Variants in ST6GALNAC3 observed in about 807,000 individuals in gnomAD.
The protein encoded by ST6GALNAC3 is alpha-N-acetylgalactosaminide alpha-2,6-sialyltransferase 3.
Under a neutral mutation model 32.7 loss-of-function variants are expected in ST6GALNAC3, and 25 were observed. The observed-to-expected ratio is 0.76, with a 90% CI of 0.56 to 1.07. The LOEUF is 1.07. ST6GALNAC3 is among the 50% of genes least tolerant of loss of function. ST6GALNAC3 has a pLI of 0.00. For missense variants in ST6GALNAC3, 355 were observed against 382.4 expected, an observed-to-expected ratio of 0.93 and a Z score of 0.60; for synonymous variants, 129 against 133.1, an observed-to-expected ratio of 0.97 and a Z score of 0.21.
chr1:76,454,928 AT>A (rs11359719), intron 3 of ST6GALNAC3, among the ~76,000 whole-genome samples: 83,885 of 149,194 alleles, frequency 0.56, 25,286 homozygotes, highest in Non-Finnish European at 0.67. Context: ...TCTCCTATGT[AT>A]TTTTTTTTTC....
At chr1:76,247,652 A>T (rs966825325) in intron 1 of ST6GALNAC3, among the ~76,000 whole-genome samples, 8 of 152,172 alleles carry the variant, frequency 5.3e-5, no homozygotes, top group African/African-American at 1.9e-4. Flanking sequence ...AAGCCTCAGT[A>T]ATGGCCGATG....
chr1:76,466,427 A>G (rs965087989), intron 3 of ST6GALNAC3, among the ~76,000 whole-genome samples: 4 of 152,112 alleles, frequency 2.6e-5, no homozygotes, highest in African/African-American at 7.2e-5. Context: ...ATGGAAATAC[A>G]TAGATTAAAA....
At chr1:76,602,730 GT>G (rs1238323947) in intron 3 of ST6GALNAC3, among the ~76,000 whole-genome samples, 2 of 151,550 alleles carry the variant, frequency 1.3e-5, no homozygotes, top group African/African-American at 4.8e-5. Context: ...TAATGTATTG[GT>G]TTTTTAATTT....
chr1:76,613,342 T>C (rs1648064132), intron 3 of ST6GALNAC3, among the ~76,000 whole-genome samples: 1 of 152,200 alleles, frequency 6.6e-6, no homozygotes, highest in Non-Finnish European at 1.5e-5. Context: ...TTCTCCTTCC[T>C]GTGGCATACT....
At chr1:76,075,032 A>G in intron 1 of ST6GALNAC3, 148 bp downstream of exon 1, 1 of 973,626 alleles carries the variant, frequency 1.0e-6, no homozygotes, top group Non-Finnish European at 1.6e-6. Flanking sequence ...GCAAATGCAT[A>G]TGGAGGGAGA....
At chr1:76,344,260 C>G (rs1648307857) in intron 2 of ST6GALNAC3, among the ~76,000 whole-genome samples, 1 of 152,162 alleles carries the variant, frequency 6.6e-6, no homozygotes, top group Non-Finnish European at 1.5e-5. Flanking sequence ...AATTTTTACT[C>G]TGGCTCTTCT....
intron 1 of ST6GALNAC3, among the ~76,000 whole-genome samples, chr1:76,201,952 C>CT: frequency 6.6e-6 from 1 of 152,214 alleles, no homozygotes; most frequent in East Asian, 1.9e-4. Context: ...TAAAATTTAA[C>CT]TATCGTAAAG....
At chr1:76,566,646 C>T (rs1266401168) in intron 3 of ST6GALNAC3, among the ~76,000 whole-genome samples, 2 of 152,272 alleles carry the variant, frequency 1.3e-5, no homozygotes, top group South Asian at 4.2e-4. Flanking sequence ...TGTCACCTAA[C>T]CAGAAAGGCT....
intron 3 of ST6GALNAC3, among the ~76,000 whole-genome samples, chr1:76,488,258 T>C (rs937568749): frequency 6.6e-6 from 1 of 152,250 alleles, no homozygotes; most frequent in East Asian, 1.9e-4. Context: ...CATTTAAAAG[T>C]GTGTGGCACC....
At chr1:76,612,335 C>G in intron 3 of ST6GALNAC3, among the ~76,000 whole-genome samples, 1 of 152,054 alleles carries the variant, frequency 6.6e-6, no homozygotes, top group East Asian at 1.9e-4. Flanking sequence ...CACCTTGTGG[C>G]CCAGGTTTTA....
intron 3 of ST6GALNAC3, among the ~76,000 whole-genome samples, chr1:76,468,126 T>TA (rs1047354817): frequency 1.3e-5 from 2 of 152,028 alleles, no homozygotes; most frequent in Middle Eastern, 3.4e-3. Flanking sequence ...TCCATCCCCC[T>TA]ACCTTTCAAT....
intron 3 of ST6GALNAC3, among the ~76,000 whole-genome samples, chr1:76,612,186 T>G (rs1380310730): frequency 6.6e-6 from 1 of 152,076 alleles, no homozygotes; most frequent in Non-Finnish European, 1.5e-5. Flanking sequence ...TCTTGGGAGG[T>G]GAGGCCGGTT....
intron 3 of ST6GALNAC3, among the ~76,000 whole-genome samples, chr1:76,447,016 G>A (rs1212080700): frequency 6.6e-6 from 1 of 152,190 alleles, no homozygotes; most frequent in African/African-American, 2.4e-5. Context: ...TGGGTAACAG[G>A]AAGAGGTTGG....
At chr1:76,274,889 G>A (rs1659047786) in intron 1 of ST6GALNAC3, among the ~76,000 whole-genome samples, 1 of 152,162 alleles carries the variant, frequency 6.6e-6, no homozygotes, top group Non-Finnish European at 1.5e-5. Context: ...TTCATCTTGT[G>A]AATTCAGACC....
intron 3 of ST6GALNAC3, among the ~76,000 whole-genome samples, chr1:76,446,993 G>A (rs1319448652): frequency 2.0e-5 from 3 of 152,222 alleles, no homozygotes; most frequent in African/African-American, 7.2e-5. Context: ...AAACGTGGAA[G>A]CAACTTTGGA....
At chr1:76,201,098 T>G (rs1322486771) in intron 1 of ST6GALNAC3, among the ~76,000 whole-genome samples, 2 of 152,232 alleles carry the variant, frequency 1.3e-5, no homozygotes, top group African/African-American at 4.8e-5. Context: ...TAAATTCTTA[T>G]GTTCAGACTG....
At chr1:76,110,580 A>G (rs1053093993) in intron 1 of ST6GALNAC3, among the ~76,000 whole-genome samples, 2 of 152,216 alleles carry the variant, frequency 1.3e-5, no homozygotes, top group Admixed American at 1.3e-4. Flanking sequence ...AGTAGGTTGT[A>G]TTAGGTGATC....
intron 3 of ST6GALNAC3, among the ~76,000 whole-genome samples, chr1:76,587,599 T>G (rs1391269822): frequency 6.6e-6 from 1 of 152,168 alleles, no homozygotes; most frequent in Non-Finnish European, 1.5e-5. Flanking sequence ...CTTGGGAAAA[T>G]TATTTAATCT....
chr1:76,601,985 A>T (rs1647257198), intron 3 of ST6GALNAC3, among the ~76,000 whole-genome samples: 1 of 152,198 alleles, frequency 6.6e-6, no homozygotes. Context: ...AATGCAGACA[A>T]GTTCAAGGAA....
Sources: allele counts gnomAD v4.1 joint callset (sites outside exome capture counted in the v4.1 genomes callset), GRCh38; gene constraint gnomAD v4.1.1; transcripts MANE v1.5; gene names NCBI Gene and HGNC (gene_info 2026-07-23, HGNC 2026-07-21).